The following FHIP2A variants were observed in gnomAD, a reference collection of about 807,000 sequenced individuals.
FHIP2A encodes the protein FHF complex subunit HOOK interacting protein 2A, also known as family with sequence similarity 160 member B1.
A neutral mutation model predicts 93.5 loss-of-function variants in FHIP2A; 46 were observed. That is an observed-to-expected ratio of 0.49 (90% CI 0.39 to 0.63). FHIP2A has a LOEUF of 0.63. FHIP2A is among the 20% of genes least tolerant of loss of function. The pLI, the probability that FHIP2A is intolerant of heterozygous loss-of-function variation, is 0.00. For missense variants in FHIP2A, 769 were observed against 909.7 expected, an observed-to-expected ratio of 0.85 and a Z score of 1.99; for synonymous variants, 332 against 326.5, an observed-to-expected ratio of 1.02 and a Z score of -0.18.
chr10:114,890,298 G>T (rs77229921), intron 16 of FHIP2A, among the ~76,000 whole-genome samples: 2,046 of 152,066 alleles, frequency 0.013, 50 homozygotes, highest in African/African-American at 0.048. Flanking sequence ...AAAGTGCTGG[G>T]ACTACAGGCA....
In FHIP2A at chr10:114,887,275, T is replaced by C. The variant is rs77048579; in HGVS notation, c.2193-12215T>C. ...GTAGACAAGCAGCTCTATTCCAATA[T>C]GGAGCACAATTTTAGCCATAAGTAA... On this transcript the variant is annotated intron_variant, in intron 16 of 16. Transcript: ENST00000369250. Among the ~76,000 whole-genome samples, 3 of 152,220 alleles carry C rather than the reference T, an allele frequency of 2.0e-5. No homozygotes were observed. The East Asian group carries it at 5.8e-4, about 29-fold the overall frequency.
At chr10:114,835,743 A>C in intron 4 of FHIP2A, 102 bp downstream of exon 4, 1 of 733,382 alleles carries the variant, frequency 1.4e-6, no homozygotes, top group South Asian at 2.5e-5. Flanking sequence ...AAATTATTCC[A>C]AAATTAACAT....
In FHIP2A at chr10:114,861,419, G is replaced by A. The variant is rs561426096; in HGVS notation, c.2193-16G>A. The stretch of plus-strand genomic sequence containing the variant: ...GCTATCTTGAATTGATTTATTGTCT[G>A]TTTTTTCCTTACCAGTATTGACCAC... On this transcript the variant is annotated splice_polypyrimidine_tract_variant and intron_variant, in intron 16 of 16. Transcript: ENST00000369248. 5 of 1,613,738 alleles carry A rather than the reference G, an allele frequency of 3.1e-6. No individual in the cohort carries two copies. The Admixed American group carries it at 6.7e-5, about 22-fold the overall frequency.
rs1296887830 is a variant in FHIP2A, at chr10:114,846,374, TACGTAATGATTTAGAATTGG to T, written c.1398+10_1398+29del. ...TGATCACATATCTGATGAGGTAAGC[TACGTAATGATTTAGAATTGG>T]ACTTAGATTCTTTGAAATACGGTTT... On this transcript the variant is annotated splice_region_variant and intron_variant, in intron 10 of 16. Coordinates refer to ENST00000369248, the MANE Select transcript of FHIP2A (RefSeq NM_020940.4). The T allele has an allele frequency of 6.2e-7, 1 of 1,608,426 alleles. No homozygotes were observed. Among genetic ancestry groups the T allele is most frequent in the Non-Finnish European group, 8.5e-7 (1 of 1,175,832 alleles).
At chr10:114,899,453 T>C in intron 16 of FHIP2A, 1 of 718,500 alleles carries the variant, frequency 1.4e-6, no homozygotes, top group Non-Finnish European at 2.6e-6. Context: ...TCAGCCGTCT[T>C]ACCTTCATTT....
At chr10:114,874,380 C>T (rs2083873919) in intron 16 of FHIP2A, among the ~76,000 whole-genome samples, 1 of 152,208 alleles carries the variant, frequency 6.6e-6, no homozygotes, top group Admixed American at 6.5e-5. Context: ...TTTTACAAAT[C>T]CTGTAATTAG....
chr10:114,875,779 GAGAA>G lies in FHIP2A; in HGVS notation c.2192+14451_2192+14454del, dbSNP rs1431127257. Among the ~76,000 whole-genome samples the G allele has an allele frequency of 2.0e-5, 3 of 146,406 alleles. No individual in the cohort carries two copies. The South Asian group carries it at 6.7e-4, about 33-fold the overall frequency. ...GAAAGAAAGAAAGAGAAAAGAGAGAGAGAAAGAAATAGAAAGAAAAAGAACAGAA... is the reference window on the plus strand; with the variant it reads ...GAAAGAAAGAAAGAGAAAAGAGAGAGAGAAATAGAAAGAAAAAGAACAGAA... On this transcript the variant is annotated intron_variant, in intron 16 of 16. Coordinates refer to the FHIP2A transcript ENST00000369250.
In FHIP2A at chr10:114,848,639, C is replaced by T. The variant is rs1272705553; in HGVS notation, c.1713-8C>T. The T allele has an allele frequency of 1.9e-6, 3 of 1,570,626 alleles. No homozygotes were observed. The highest frequency in any genetic ancestry group is 2.7e-5 in the African/African-American group (2 of 73,070). On this transcript the variant is annotated splice_region_variant and splice_polypyrimidine_tract_variant and intron_variant, in intron 12 of 16. Transcript: ENST00000369248. ...CATCTTGCATAATTGTGGCCGTTTT[C>T]ATTTAAGTTTTCTCTGTCTGGTACC...
rs2083814106 is a variant in FHIP2A at position 114,863,753 on chromosome 10, TTC to T, written c.*2215_*2216del. On this transcript the variant is annotated 3_prime_UTR_variant, in exon 17 of 17. Coordinates refer to ENST00000369248, the MANE Select transcript of FHIP2A (RefSeq NM_020940.4). ...TTACCTTCTGTTGACAGCTGAATAT[TTC>T]TGTTACTCAGTACTTGCAAAAACAG... is the stretch of plus-strand genomic sequence containing the variant. 1 of 1,284,300 alleles carries T rather than the reference TTC, an allele frequency of 7.8e-7. No individual in the cohort carries two copies. Among genetic ancestry groups the T allele is most frequent in the Non-Finnish European group, 1.0e-6 (1 of 982,490 alleles). 79.6% of individuals were successfully genotyped at this position (1,284,300 alleles called of 1,614,324 possible).
chr10:114,891,655 C>A (rs1331718148), intron 16 of FHIP2A, among the ~76,000 whole-genome samples: 1 of 149,366 alleles, frequency 6.7e-6, no homozygotes, highest in Non-Finnish European at 1.5e-5. Context: ...CTTGATCTGT[C>A]GCCCAGGTTG....
At chr10:114,866,440 A>G (rs555850359), downstream of FHIP2A, among the ~76,000 whole-genome samples, 6 of 152,330 alleles carry the variant, frequency 3.9e-5, no homozygotes, top group Middle Eastern at 3.4e-3. Context: ...TACCCACCTC[A>G]GAGAGATCCA....
intron 1 of FHIP2A, among the ~76,000 whole-genome samples, chr10:114,826,871 G>A (rs937227615): frequency 1.3e-5 from 2 of 152,216 alleles, no homozygotes; most frequent in African/African-American, 4.8e-5. Context: ...GCATGCGCCT[G>A]TAATCCCAGC....
chr10:114,860,306 C>G lies in FHIP2A; in HGVS notation c.1948-443C>G, dbSNP rs542455392. Among the ~76,000 whole-genome samples, 101 of 152,234 alleles carry G rather than the reference C, an allele frequency of 6.6e-4. 3 individuals are homozygous for G. The South Asian group carries it at 0.021, about 31-fold the overall frequency. ...GAGCTAGTTTAGTTGTAGATATTTT[C>G]ATTGCAGAAGAGCATGCGCAGCAGG... On this transcript the variant is annotated intron_variant, in intron 14 of 16. Coordinates refer to ENST00000369248, the MANE Select transcript of FHIP2A (RefSeq NM_020940.4).
chr10:114,857,314 C>CTTTTTTTTTTTTTTTTTTTTTTTTTTT (rs78583275), intron 14 of FHIP2A, among the ~76,000 whole-genome samples: 44 of 120,706 alleles, frequency 3.6e-4, no homozygotes, highest in Non-Finnish European at 4.7e-4. Flanking sequence ...ATTTCTTCTT[C>CTTTTTTTTTTTTTTTTTTTTTTTTTTT]TTTTTTTTTT....
chr10:114,877,365 A>G (rs1304988060), intron 16 of FHIP2A, among the ~76,000 whole-genome samples: 3 of 152,184 alleles, frequency 2.0e-5, no homozygotes, highest in African/African-American at 4.8e-5. Context: ...GCTCCTTCAG[A>G]AATCCCGCAA....
At position 114,846,204 on chromosome 10, in the gene FHIP2A, C is replaced by T; in HGVS notation, c.1235C>T (p.Ala412Val). Residue 412 changes from alanine (A) to valine (V), a missense_variant, in exon 10 of 17, where the codon GCT becomes GTT. Ala to Val is a moderately conservative substitution (Grantham distance 64). Transcript: ENST00000369248. ...GAGATGGGTATTCTCACATCCACTG[C>T]TCTGCTTCATCGCATCGTTCGGCAA... ...TSEMGILTST[A>V]LLHRIVRQVT... 1 of 1,614,170 alleles carries T rather than the reference C, an allele frequency of 6.2e-7. No individual in the cohort carries two copies.
At chr10:114,897,277 A>T (rs1388761297) in intron 16 of FHIP2A, among the ~76,000 whole-genome samples, 1 of 152,184 alleles carries the variant, frequency 6.6e-6, no homozygotes, top group Admixed American at 6.5e-5. Context: ...CAAATAGAGA[A>T]TGTGAGGTCT....
intron 16 of FHIP2A, among the ~76,000 whole-genome samples, chr10:114,890,479 C>A (rs2083965389): frequency 6.8e-6 from 1 of 146,226 alleles, no homozygotes; most frequent in African/African-American, 2.5e-5. Context: ...ATTATATATA[C>A]AATATATACT....
chr10:114,850,217 C>T (rs2083726630), intron 13 of FHIP2A, among the ~76,000 whole-genome samples: 1 of 152,150 alleles, frequency 6.6e-6, no homozygotes, highest in African/African-American at 2.4e-5. Flanking sequence ...CATTTTACAT[C>T]ACACCAGCAG....
Sources: gnomAD v4.1 joint callset for allele counts (sites outside exome capture counted in the v4.1 genomes callset) on GRCh38, gnomAD v4.1.1 for gene constraint, MANE v1.5 for transcripts, NCBI Gene and HGNC (gene_info 2026-07-23, HGNC 2026-07-21) for gene names.